The following CEP63 variants were observed in gnomAD, a reference collection of about 807,000 sequenced individuals.
The protein encoded by CEP63 is centrosomal protein of 63 kDa.
In CEP63, 84 loss-of-function variants were observed where a neutral mutation model predicts 89.1. The ratio of observed to expected loss-of-function variants is 0.94; its 90% confidence interval spans 0.79 to 1.13. CEP63 has a LOEUF of 1.13. Ranked by LOEUF, CEP63 falls within the 50% of genes most tolerant of loss-of-function variation. The probability of loss-of-function intolerance (pLI) is 0.00; values close to 1 mark genes in which losing one functional copy is unlikely to be tolerated. For synonymous variants in CEP63, 267 were observed against 272.5 expected (o/e 0.98, Z 0.20); for missense variants, 838 against 813.3 (o/e 1.03, Z -0.37).
chr3:134,773,721 A>G, the CEP63 span, among the ~76,000 whole-genome samples: 3 of 151,616 alleles, frequency 2.0e-5, no homozygotes, highest in Non-Finnish European at 4.4e-5. Context: ...TTCTGTTTAC[A>G]TCCCCTGATT....
At position 134,486,207 on chromosome 3, in the gene CEP63, C is replaced by T. The variant is rs545263301; in HGVS notation, c.-26+5C>T. The T allele has an allele frequency of 3.8e-4, 379 of 985,508 alleles. No individual in the cohort carries two copies. In the African/African-American group the frequency reaches 6.1e-3, roughly 16 times the overall value. The allele number at this position is 985,508 out of a possible 1,614,324, so 61.0% of individuals were successfully genotyped here. On this transcript the variant is annotated splice_donor_5th_base_variant and intron_variant, in intron 1 of 14. Transcript: ENST00000675561. ...CGTGCGCAGCGCCGGCCCGAGGTAA[C>T]GGCGGGAAGGCTCAGGGGCGTGCTT...
the CEP63 span, among the ~76,000 whole-genome samples, chr3:134,774,936 G>T: frequency 2.6e-5 from 4 of 152,146 alleles, no homozygotes; most frequent in Non-Finnish European, 5.9e-5. Context: ...AGTGCTGCGG[G>T]GTTGATGTAG....
At chr3:134,689,148 CCT>C in the CEP63 span, among the ~76,000 whole-genome samples, 3,151 of 151,536 alleles carry the variant, frequency 0.021, 102 homozygotes, top group African/African-American at 0.071. Context: ...TCTCTCTCTC[CCT>C]CTCTCTCTCT....
chr3:134,683,083 C>A, the CEP63 span, among the ~76,000 whole-genome samples: 1 of 152,204 alleles, frequency 6.6e-6, no homozygotes, highest in Non-Finnish European at 1.5e-5. Context: ...CTGCAGCTAC[C>A]ACTGGGCTTT....
At chr3:134,738,966 T>TAAA in the CEP63 span, among the ~76,000 whole-genome samples, 234 of 146,642 alleles carry the variant, frequency 1.6e-3, 1 homozygote, top group East Asian at 0.036. Flanking sequence ...ATGGCTATAA[T>TAAA]AAAAAAAAAA....
chr3:134,697,933 T>G, the CEP63 span, among the ~76,000 whole-genome samples: 1 of 152,182 alleles, frequency 6.6e-6, no homozygotes, highest in Admixed American at 6.5e-5. Flanking sequence ...TGGAGCAGAA[T>G]GTGGGTTGTC....
chr3:134,544,634 GGT>G lies in CEP63; in HGVS notation c.556-950_556-949del, dbSNP rs1046246919. 3.4e-3 allele frequency among the ~76,000 whole-genome samples: 276 copies of G among 81,288 alleles called. 3 individuals are homozygous for G. The highest frequency in any genetic ancestry group is 9.8e-3 in the African/African-American group (248 of 25,344). 53.3% of individuals were successfully genotyped at this position (81,288 alleles called of 152,430 possible). ...AACAGAATAATTACAACATGCTCTA[GGT>G]GGGGGGGGGAATTTAAACTACAAAT... is the stretch of plus-strand genomic sequence containing the variant. On this transcript the variant is annotated intron_variant, in intron 6 of 14. Transcript: ENST00000675561.
At chr3:134,625,997 G>A in the CEP63 span, among the ~76,000 whole-genome samples, 2 of 152,384 alleles carry the variant, frequency 1.3e-5, no homozygotes, top group East Asian at 3.9e-4. Context: ...CTGCAAGGCT[G>A]CCTGGCCAAT....
the CEP63 span, among the ~76,000 whole-genome samples, chr3:134,704,008 T>C: frequency 1.3e-5 from 2 of 152,180 alleles, no homozygotes; most frequent in Non-Finnish European, 2.9e-5. Flanking sequence ...TGGCTCTTTG[T>C]GATCTCTATT....
the CEP63 span, among the ~76,000 whole-genome samples, chr3:134,737,567 T>C: frequency 5.3e-5 from 8 of 152,348 alleles, 2 homozygotes; most frequent in Admixed American, 5.2e-4. Flanking sequence ...ATCATTCAAT[T>C]ATCACTTGTT....
At chr3:134,689,547 G>A in the CEP63 span, among the ~76,000 whole-genome samples, 1 of 152,038 alleles carries the variant, frequency 6.6e-6, no homozygotes, top group Non-Finnish European at 1.5e-5. Flanking sequence ...TGCCTCCTGA[G>A]TTCAAGCAAT....
At chr3:134,658,966 C>T in the CEP63 span, among the ~76,000 whole-genome samples, 1 of 152,204 alleles carries the variant, frequency 6.6e-6, no homozygotes, top group South Asian at 2.1e-4. Flanking sequence ...CTGTTCATGA[C>T]ACCTTAATTG....
the CEP63 span, among the ~76,000 whole-genome samples, chr3:134,661,810 C>T: frequency 2.7e-5 from 4 of 150,106 alleles, 1 homozygote; most frequent in African/African-American, 9.7e-5. Context: ...TATTTGTGCC[C>T]CCCCCCTCAA....
chr3:134,556,290 A>C (rs1039842332), intron 12 of CEP63, among the ~76,000 whole-genome samples: 18 of 152,152 alleles, frequency 1.2e-4, no homozygotes, highest in Non-Finnish European at 1.9e-4. Context: ...TCATTAAACT[A>C]AAGAGCTTCT....
At chr3:134,526,606 C>T (rs757224103) in intron 3 of CEP63, among the ~76,000 whole-genome samples, 31 of 152,250 alleles carry the variant, frequency 2.0e-4, no homozygotes, top group Non-Finnish European at 3.5e-4. Context: ...TCTGTCATTT[C>T]AGCCATCTTA....
chr3:134,543,034 T>C (rs572273365), intron 6 of CEP63, among the ~76,000 whole-genome samples: 15 of 152,288 alleles, frequency 9.8e-5, no homozygotes, highest in South Asian at 2.1e-4. Flanking sequence ...AGTTTTTAAA[T>C]AATTATTTCT....
the CEP63 span, among the ~76,000 whole-genome samples, chr3:134,605,782 G>A: frequency 1.3e-5 from 2 of 151,964 alleles, no homozygotes; most frequent in African/African-American, 4.8e-5. Flanking sequence ...AGACCTTGGA[G>A]GACCTAGGCT....
chr3:134,743,205 C>T, the CEP63 span, among the ~76,000 whole-genome samples: 1 of 152,294 alleles, frequency 6.6e-6, no homozygotes, highest in East Asian at 1.9e-4. Flanking sequence ...CTGTCTCTCC[C>T]TGCTTATGTG....
intron 10 of CEP63, 32 bp from the exon 11 acceptor site, chr3:134,550,031 C>G (rs1393308333): frequency 6.6e-7 from 1 of 1,510,506 alleles, no homozygotes; most frequent in African/African-American, 1.4e-5. Flanking sequence ...TTTCTCTTAA[C>G]TTTTGGTGCT....
Sources: gnomAD v4.1 joint callset for allele counts (sites outside exome capture counted in the v4.1 genomes callset) on GRCh38, gnomAD v4.1.1 for gene constraint, MANE v1.5 for transcripts, NCBI Gene and HGNC (gene_info 2026-07-23, HGNC 2026-07-21) for gene names.